SYNE2: variants seen among roughly 807,000 people sequenced by gnomAD.
SYNE2 encodes the protein spectrin repeat containing nuclear envelope protein 2.
In SYNE2, 431 loss-of-function variants were observed where a neutral mutation model predicts 856.3. The observed-to-expected ratio is 0.50, with a 90% CI of 0.47 to 0.55. SYNE2 has a LOEUF of 0.55. Among genes scored for constraint, SYNE2 ranks in the 20% least tolerant of loss-of-function variants. The probability of loss-of-function intolerance (pLI) is 0.00; values close to 1 mark genes in which losing one functional copy is unlikely to be tolerated. For missense variants in SYNE2, 8,129 were observed against 8,023.2 expected (o/e 1.01, Z -0.50); for synonymous variants, 2,923 against 2,872.3 (o/e 1.02, Z -0.56).
intron 65 of SYNE2, among the ~76,000 whole-genome samples, chr14:64,110,325 A>G (rs892212821): frequency 1.3e-5 from 2 of 152,140 alleles, no homozygotes; most frequent in African/African-American, 4.8e-5. Flanking sequence ...GTGTTGATGC[A>G]GAAGTGAAGC....
At chr14:64,019,860 T>G in intron 34 of SYNE2, 132 bp from the exon 35 acceptor site, 1 of 694,674 alleles carries the variant, frequency 1.4e-6, no homozygotes, top group Non-Finnish European at 2.5e-6. Flanking sequence ...TCTAGGACTC[T>G]GACAAAACAC....
intron 19 of SYNE2, among the ~76,000 whole-genome samples, chr14:63,987,452 A>G (rs1043729559): frequency 1.3e-5 from 2 of 152,160 alleles, no homozygotes; most frequent in African/African-American, 4.8e-5. Context: ...TTCTCCTGGG[A>G]GTTATCATTG....
At chr14:64,141,650 T>C (rs1325700769) in intron 81 of SYNE2, 127 bp downstream of exon 81, 2 of 1,057,864 alleles carry the variant, frequency 1.9e-6, no homozygotes, top group Admixed American at 4.2e-5. Flanking sequence ...CCACTGAATA[T>C]AAGTCTTAAT....
At position 64,052,782 on chromosome 14, in the gene SYNE2, G is replaced by T. The variant is rs376819071; in HGVS notation, c.8869G>T (p.Glu2957Ter). Reference protein sequence around the residue: ...QFHEKTSALQEEADSIQRNEL... With the variant: ...QFHEKTSALQ The stretch of plus-strand genomic sequence containing the variant: ...CCATGAAAAAACATCAGCGCTTCAG[G>T]AGGAGGCTGACAGTATACAGCGCAA... Residue 2957 changes from glutamate (E) to a stop codon, truncating the protein, a stop_gained, in exon 48 of 116, where the codon GAG becomes TAG. Transcript: ENST00000555002. LOFTEE classifies it high-confidence loss of function. 6.2e-7 allele frequency: 1 copy of T among 1,612,386 alleles called. No homozygotes were observed. Among genetic ancestry groups the T allele is most frequent in the African/African-American group, 1.3e-5 (1 of 74,770 alleles).
In SYNE2 at chr14:64,051,878, T is replaced by C. The variant is rs1202724104; in HGVS notation, c.7965T>C (p.Ser2655=). The C allele has an allele frequency of 6.2e-7, 1 of 1,613,974 alleles. No homozygotes were observed. Among genetic ancestry groups the C allele is most frequent in the South Asian group, 1.1e-5 (1 of 91,082 alleles). The change falls in exon 48 of 116, where the codon TCT becomes TCC. Residue 2655 remains serine, a synonymous_variant. Transcript: ENST00000555002. ...AACATCTACAGTTAAGGCTGAAGTC[T>C]CCAGAAGAACGGGCAGGGAACCAAA... ...QQQHLQLRLK[S]PEERAGNQSM...
At chr14:64,189,045 T>TC in intron 98 of SYNE2, 1 of 699,070 alleles carries the variant, frequency 1.4e-6, no homozygotes, top group Non-Finnish European at 2.6e-6. Context: ...ATTAAGAAGC[T>TC]CCCCTTGGCC....
At chr14:64,162,348 C>G (rs2098336195) in intron 88 of SYNE2, 72 bp downstream of exon 88, 3 of 1,489,550 alleles carry the variant, frequency 2.0e-6, no homozygotes, top group Non-Finnish European at 2.8e-6. Context: ...CAGCCATGAC[C>G]TGGGGACCAG....
chr14:64,074,030 C>T lies in SYNE2; in HGVS notation c.10760C>T (p.Ser3587Phe), dbSNP rs748430621. Reference protein sequence around the residue: ...LVQTEIQERHSFTKEIIALKN... With the variant: ...LVQTEIQERHFFTKEIIALKN... ...CAGACTGAAATCCAAGAAAGACATT[C>T]CTTCACAAAAGAGATAATTGCTTTG... The change falls in exon 53 of 116, where the codon TCC (serine) becomes TTC (phenylalanine). Residue 3587 changes from serine (S) to phenylalanine (F), a missense_variant. Around this residue, in one of 3 missense-constraint regions of SYNE2, gnomAD observed 5,410 missense variants for 5,284.8 expected, o/e 1.02. Transcript: ENST00000555002. 7.6e-5 allele frequency: 123 copies of T among 1,614,054 alleles called. No individual in the cohort carries two copies. The Admixed American group carries it at 1.2e-3, about 16-fold the overall frequency.
chr14:64,216,483 T>C, intron 108 of SYNE2, 96 bp downstream of exon 108: 1 of 1,332,934 alleles, frequency 7.5e-7, no homozygotes, highest in Non-Finnish European at 1.1e-6. Context: ...CGTGTATTCA[T>C]TCCCCAGGCA....
rs752015175 is a variant in SYNE2 at position 64,003,228 on chromosome 14, G to C, written c.4295G>C (p.Cys1432Ser). ...FTEENKLLEACIFKNNELLKN... is the reference protein window; with the variant it reads ...FTEENKLLEASIFKNNELLKN... ...GAGGAAAACAAATTACTAGAGGCTT[G>C]TATTTTCAAAAATAATGAACTCCTT... Residue 1432 changes from cysteine (C) to serine (S), a missense_variant, in exon 30 of 116, where the codon TGT becomes TCT. By Grantham distance (112) the Cys-to-Ser change is moderately radical. Around this residue, in one of 3 missense-constraint regions of SYNE2, gnomAD observed 2,422 missense variants for 2,357.4 expected, o/e 1.03. Coordinates refer to ENST00000555002, the MANE Select transcript of SYNE2 (RefSeq NM_182914.3). The C allele has an allele frequency of 6.2e-7, 1 of 1,613,734 alleles. No individual in the cohort carries two copies. Among genetic ancestry groups the C allele is most frequent in the African/African-American group, 1.3e-5 (1 of 74,988 alleles).
chr14:63,873,143 G>A (rs1025752632), intron 1 of SYNE2, among the ~76,000 whole-genome samples: 3 of 152,124 alleles, frequency 2.0e-5, no homozygotes, highest in African/African-American at 4.8e-5. Context: ...TTGCCTTTCC[G>A]ATATTATTGG....
chr14:63,794,726 C>T (rs550841960), intron 1 of SYNE2, among the ~76,000 whole-genome samples: 1 of 152,254 alleles, frequency 6.6e-6, no homozygotes, highest in African/African-American at 2.4e-5. Flanking sequence ...TACACACTCA[C>T]TGAAATGTGC....
At chr14:64,176,755 G>A (rs2098437010) in intron 95 of SYNE2, among the ~76,000 whole-genome samples, 1 of 151,890 alleles carries the variant, frequency 6.6e-6, no homozygotes, top group African/African-American at 2.4e-5. Context: ...AGAGGGATTG[G>A]GGAGAGAGGA....
intron 85 of SYNE2, among the ~76,000 whole-genome samples, chr14:64,157,539 C>G (rs2098295750): frequency 6.6e-6 from 1 of 152,164 alleles, no homozygotes. Context: ...AATCGTGCTG[C>G]TATGAACATT....
chr14:63,812,796 T>C (rs989279175), intron 1 of SYNE2, among the ~76,000 whole-genome samples: 2 of 152,154 alleles, frequency 1.3e-5, no homozygotes, highest in African/African-American at 4.8e-5. Flanking sequence ...TAAAGCCCCT[T>C]AGAAAAACTA....
chr14:63,983,640 A>C (rs1323920478), intron 17 of SYNE2, 97 bp from the exon 18 acceptor site: 3 of 1,035,386 alleles, frequency 2.9e-6, no homozygotes, highest in Non-Finnish European at 2.9e-6. Flanking sequence ...AATCCTAAAC[A>C]TATATTTGAA....
chr14:63,992,399 C>G (rs2096673990), intron 21 of SYNE2, among the ~76,000 whole-genome samples: 2 of 152,028 alleles, frequency 1.3e-5, no homozygotes, highest in African/African-American at 4.8e-5. Context: ...GCCTCAGCCT[C>G]CAAGTAGCTG....
chr14:63,971,285 T>C (rs1006781736), intron 11 of SYNE2, among the ~76,000 whole-genome samples: 8 of 151,956 alleles, frequency 5.3e-5, no homozygotes, highest in Non-Finnish European at 1.0e-4. Flanking sequence ...TTAATTTCTT[T>C]TGTATTTTTT....
chr14:63,876,644 C>T (rs577602735), intron 1 of SYNE2, among the ~76,000 whole-genome samples: 3 of 151,946 alleles, frequency 2.0e-5, no homozygotes, highest in Admixed American at 6.6e-5. Flanking sequence ...CCCACCACCA[C>T]GCCCGGCTAA....
Sources: allele counts gnomAD v4.1 joint callset (sites outside exome capture counted in the v4.1 genomes callset), GRCh38; gene constraint gnomAD v4.1.1; regional missense constraint gnomAD v4.1.1; transcripts MANE v1.5; gene names NCBI Gene and HGNC (gene_info 2026-07-23, HGNC 2026-07-21).